Variants in PASK observed in about 807,000 individuals in gnomAD.
PASK encodes PAS domain containing serine/threonine kinase, also known as PAS domain-containing serine/threonine-protein kinase.
Under a neutral mutation model 121.0 loss-of-function variants are expected in PASK, and 110 were observed. The observed-to-expected ratio is 0.91, with a 90% CI of 0.78 to 1.06. The LOEUF is 1.06. Among genes scored for constraint, PASK ranks in the 50% least tolerant of loss-of-function variants. The pLI is 0.00. For synonymous variants in PASK, 686 were observed against 717.8 expected (o/e 0.96, Z 0.71); for missense variants, 1,643 against 1,702.3 (o/e 0.97, Z 0.61).
chr2:241,133,344 GC>G (rs1015289238), intron 8 of PASK: 6 of 419,234 alleles, frequency 1.4e-5, no homozygotes, highest in African/African-American at 8.1e-5. Flanking sequence ...CTCGGCCATG[GC>G]CCCCCAACTC....
chr2:241,127,518 G>T, intron 9 of PASK, 67 bp from the exon 10 acceptor site: 1 of 1,252,180 alleles, frequency 8.0e-7, no homozygotes, highest in Non-Finnish European at 1.2e-6. Flanking sequence ...AGATTGCACC[G>T]ATTCTCCATT....
rs2240543 is a variant in PASK at position 241,127,374 on chromosome 2, A to G, written c.1541T>C (p.Leu514Ser). 0.018 allele frequency: 28,672 copies of G among 1,614,006 alleles called. 2,577 individuals carry two copies. The East Asian group carries it at 0.21, about 12-fold the overall frequency. ...TATTGCCACAGGTTCCTCTCTCCCCAAGGCAGTGATTTGCTGGTCCTTGGG... is the reference window on the plus strand; with the variant it reads ...TATTGCCACAGGTTCCTCTCTCCCCGAGGCAGTGATTTGCTGGTCCTTGGG... ...ALPKDQQITA[L>S]GREEPVAIES... The change falls in exon 10 of 18, where the codon TTG becomes TCG. Residue 514 changes from leucine (L) to serine (S), a missense_variant. Physicochemically the swap from Leu to Ser is moderately radical, Grantham distance 145 (BLOSUM62 -2). This residue lies in a region of PASK where 1,176 missense variants were observed against 1,162.2 expected (regional missense o/e 1.01). Coordinates refer to ENST00000234040, the MANE Select transcript of PASK (RefSeq NM_015148.4).
Position 241,127,394 on chromosome 2 carries a change from C to A in PASK, c.1521G>T (p.Lys507Asn). The A allele has an allele frequency of 6.2e-7, 1 of 1,614,080 alleles. No homozygotes were observed. Among genetic ancestry groups the A allele is most frequent in the Non-Finnish European group, 8.5e-7 (1 of 1,179,924 alleles). The stretch of plus-strand genomic sequence containing the variant: ...TCCCCAAGGCAGTGATTTGCTGGTC[C>A]TTGGGCAGCGCCTGTTCACCGTGCA... ...LPVHGEQALP[K>N]DQQITALGRE... The change falls in exon 10 of 18, where the codon AAG becomes AAT. Residue 507 changes from lysine to asparagine, a missense_variant. By Grantham distance (94) the Lys-to-Asn change is moderately conservative (BLOSUM62 0). Around this residue, in one of 3 missense-constraint regions of PASK, gnomAD observed 1,176 missense variants for 1,162.2 expected, o/e 1.01. Transcript: ENST00000234040.
At chr2:241,123,486 C>A (rs1559370757) in intron 11 of PASK, among the ~76,000 whole-genome samples, 1 of 151,900 alleles carries the variant, frequency 6.6e-6, no homozygotes, top group Non-Finnish European at 1.5e-5. Context: ...CCTAAAGTGG[C>A]TTCATAGTCA....
chr2:241,138,796 T>C lies in PASK; in HGVS notation c.601-2A>G, dbSNP rs1382763036. The stretch of plus-strand genomic sequence containing the variant: ...CCCACTACGGCTGATGATGTCCACC[T>C]GTGGAAACAGACAGGTTCACACCTG... On this transcript the variant is annotated splice_acceptor_variant, in intron 4 of 17. Transcript: ENST00000234040. LOFTEE classifies it high-confidence loss of function. 2.5e-6 allele frequency: 4 copies of C among 1,613,798 alleles called. No homozygotes were observed. The highest frequency in any genetic ancestry group is 2.2e-5 in the South Asian group (2 of 91,090).
chr2:241,138,847 A>G, intron 4 of PASK, 53 bp from the exon 5 acceptor site: 1 of 1,589,556 alleles, frequency 6.3e-7, no homozygotes, highest in Admixed American at 1.7e-5. Flanking sequence ...AAAGACCAGT[A>G]TGGGTGGGGC....
chr2:241,141,186 C>T (rs190426766), intron 2 of PASK, among the ~76,000 whole-genome samples: 1 of 152,314 alleles, frequency 6.6e-6, no homozygotes, highest in Admixed American at 6.5e-5. Context: ...ACTCAGGAGG[C>T]TAAGGCAGGA....
At chr2:241,149,245 G>A (rs1308778521) in intron 1 of PASK, among the ~76,000 whole-genome samples, 169 bp downstream of exon 1, 1 of 152,144 alleles carries the variant, frequency 6.6e-6, no homozygotes, top group Non-Finnish European at 1.5e-5. Flanking sequence ...CGCGGGCTCG[G>A]CGGTGCGCGA....
chr2:241,117,164 C>T (rs780746734), intron 12 of PASK, among the ~76,000 whole-genome samples: 35 of 152,110 alleles, frequency 2.3e-4, no homozygotes, highest in Admixed American at 1.6e-3. Flanking sequence ...GGAGCCTGGG[C>T]AACATCCAGG....
intron 12 of PASK, among the ~76,000 whole-genome samples, chr2:241,119,858 C>A (rs2065531816): frequency 6.6e-6 from 1 of 152,158 alleles, no homozygotes. Context: ...TCTGTCTACA[C>A]CCTCTCCTCC....
chr2:241,131,570 C>A (rs920256781), intron 9 of PASK, among the ~76,000 whole-genome samples: 11 of 152,090 alleles, frequency 7.2e-5, no homozygotes, highest in African/African-American at 2.7e-4. Context: ...CAGCAATAAG[C>A]AGAAGGCAGA....
rs112438433 is a variant in PASK, at chr2:241,133,013, C to A, written c.1324G>T (p.Val442Leu). ...EGGQDPRINV[V>L]LAGGHVVPRD... The stretch of plus-strand genomic sequence containing the variant: ...GGCACAACGTGGCCACCAGCAAGCA[C>A]GACATTAATCCTTGGATCTGGCAGC... The change falls in exon 9 of 18, where the codon GTG becomes TTG. Residue 442 changes from valine (V) to leucine (L), a missense_variant. Transcript: ENST00000234040. 6.2e-7 allele frequency: 1 copy of A among 1,614,028 alleles called. No individual in the cohort carries two copies. Among genetic ancestry groups the A allele is most frequent in the Non-Finnish European group, 8.5e-7 (1 of 1,180,032 alleles).
upstream of PASK, chr2:241,149,982 C>T (rs987100946): frequency 7.1e-7 from 1 of 1,417,128 alleles, no homozygotes; most frequent in Non-Finnish European, 9.2e-7. Context: ...GCGGGGACGC[C>T]GGGAGAATGT....
At chr2:241,114,097 C>G in intron 14 of PASK, 1 of 985,386 alleles carries the variant, frequency 1.0e-6, no homozygotes, top group Non-Finnish European at 1.2e-6. Context: ...TAACCTCATA[C>G]AGATACTCTG....
chr2:241,131,433 C>G (rs1172130050), intron 9 of PASK, among the ~76,000 whole-genome samples: 3 of 152,212 alleles, frequency 2.0e-5, no homozygotes, highest in African/African-American at 7.2e-5. Context: ...TAGGCGTGAT[C>G]CACCGCGCCT....
chr2:241,144,910 T>C (rs1463583156), intron 1 of PASK, among the ~76,000 whole-genome samples: 2 of 152,146 alleles, frequency 1.3e-5, no homozygotes, highest in Non-Finnish European at 2.9e-5. Context: ...AGCTTCTCCC[T>C]GTTTGTTTGT....
At position 241,126,709 on chromosome 2, in the gene PASK, C is replaced by T. The variant is rs1297323994; in HGVS notation, c.2206G>A (p.Val736Met). 2 of 1,614,068 alleles carry T rather than the reference C, an allele frequency of 1.2e-6. No homozygotes were observed. The highest frequency in any genetic ancestry group is 1.7e-6 in the Non-Finnish European group (2 of 1,180,050). Residue 736 changes from valine to methionine, a missense_variant, in exon 10 of 18, where the codon GTG (valine) becomes ATG (methionine). By Grantham distance (21) the Val-to-Met change is conservative. Transcript: ENST00000234040. ...LEAVEAQEVD[V>M]NSFSWNLKEL... Reference sequence around the variant, plus strand: ...TTGAGGTTCCAGGAAAACGAATTCACATCAACCTCCTGGGCCTCCACTGCT... The same window carrying T: ...TTGAGGTTCCAGGAAAACGAATTCATATCAACCTCCTGGGCCTCCACTGCT...
Position 241,137,121 on chromosome 2 carries a change from C to T in PASK, c.1020G>A (p.Trp340Ter). Residue 340 changes from tryptophan to a stop codon, truncating the protein, a stop_gained, in exon 7 of 18, where the codon TGG becomes TGA. Transcript: ENST00000234040. LOFTEE classifies it high-confidence loss of function. ...APVSGYRASV[W>*]VFCTISGLIT... ...TGAGGCCACTGATGGTGCAGAACAC[C>T]CAGACAGATGCCCGGTAGCCGCTCA... is the stretch of plus-strand genomic sequence containing the variant. 1 of 1,613,838 alleles carries T rather than the reference C, an allele frequency of 6.2e-7. No homozygotes were observed. The highest frequency in any genetic ancestry group is 8.5e-7 in the Non-Finnish European group (1 of 1,179,976).
upstream of PASK, chr2:241,149,817 G>C: frequency 2.6e-6 from 4 of 1,530,080 alleles, no homozygotes; most frequent in Admixed American, 2.0e-5. Context: ...AGGCTGCAGC[G>C]TCCGCACTGG....
Sources: allele counts gnomAD v4.1 joint callset (sites outside exome capture counted in the v4.1 genomes callset), GRCh38; gene constraint gnomAD v4.1.1; regional missense constraint gnomAD v4.1.1; transcripts MANE v1.5; gene names NCBI Gene and HGNC (gene_info 2026-07-23, HGNC 2026-07-21).